EP400: variants seen among roughly 807,000 people sequenced by gnomAD.
EP400 encodes E1A binding protein p400.
A neutral mutation model predicts 354.1 loss-of-function variants in EP400; 105 were observed. The observed-to-expected ratio is 0.30, with a 90% CI of 0.25 to 0.35. The LOEUF (loss-of-function observed/expected upper bound fraction) is 0.35, where lower values mean the gene tolerates loss of function less well. Among genes scored for constraint, EP400 ranks in the 10% least tolerant of loss-of-function variants. The pLI, the probability that EP400 is intolerant of heterozygous loss-of-function variation, is 1.00. For synonymous variants in EP400, 1,646 were observed against 1,716.9 expected, an observed-to-expected ratio of 0.96 and a Z score of 1.02; for missense variants, 3,280 against 4,121.0, an observed-to-expected ratio of 0.80 and a Z score of 5.59.
chr12:131,975,536 A>G (rs1381958056), intron 2 of EP400, among the ~76,000 whole-genome samples: 2 of 151,700 alleles, frequency 1.3e-5, no homozygotes, highest in Non-Finnish European at 2.9e-5. Context: ...ATCTTTTTTC[A>G]GGCTCACTGA....
At chr12:131,959,873 C>T (rs1891818258) in intron 1 of EP400, among the ~76,000 whole-genome samples, 1 of 152,262 alleles carries the variant, frequency 6.6e-6, no homozygotes. Context: ...TGTCTCTACT[C>T]TCCTGCAGTA....
At position 132,053,188 on chromosome 12, in the gene EP400, A is replaced by G. The variant is rs1181949510; in HGVS notation, c.7437A>G (p.Ala2479=). The part of the protein sequence containing the change: ...YDKPLPPIQV[A]SLRAERIAKE... ...AGCCGCTGCCTCCCATCCAGGTGGC[A>G]TCTCTCCGTGCAGAGCGAATCGCAA... Residue 2479 remains alanine, a synonymous_variant, in exon 42 of 53, where the codon GCA becomes GCG. Transcript: ENST00000389561. 1.2e-6 allele frequency: 2 copies of G among 1,614,036 alleles called. No individual in the cohort carries two copies. The highest frequency in any genetic ancestry group is 1.7e-6 in the Non-Finnish European group (2 of 1,180,012).
chr12:131,957,525 C>CTTTT (rs35977358), intron 1 of EP400, among the ~76,000 whole-genome samples: 178 of 118,518 alleles, frequency 1.5e-3, no homozygotes, highest in Non-Finnish European at 2.6e-3. Context: ...TTCTTTCTTT[C>CTTTT]TTTTTTTTTT....
At chr12:131,995,023 GAAT>G in intron 12 of EP400, 67 bp downstream of exon 12, 2 of 1,433,310 alleles carry the variant, frequency 1.4e-6, no homozygotes, top group Non-Finnish European at 2.0e-6. Context: ...TGTGAGATGT[GAAT>G]AATAATATAT....
Position 132,030,195 on chromosome 12 carries a change from C to T in EP400, c.5754+37C>T, listed in dbSNP as rs1565921932. On this transcript the variant is annotated intron_variant, in intron 29 of 52. Coordinates refer to ENST00000389561, the MANE Select transcript of EP400 (RefSeq NM_015409.5). ...ATTGTTTACATTGTCTCTGATGGGT[C>T]AGTCACTGGTGTTGAATGCCTAAGT... 6 of 1,609,384 alleles carry T rather than the reference C, an allele frequency of 3.7e-6. No individual in the cohort carries two copies. In the African/African-American group the frequency reaches 6.7e-5, roughly 18 times the overall value.
rs1377526700 is a variant in EP400 at position 131,989,832 on chromosome 12, G to C, written c.2410-132G>C. The C allele has an allele frequency of 5.1e-6, 5 of 985,402 alleles. No homozygotes were observed. In the African/African-American group the frequency reaches 8.3e-5, roughly 16 times the overall value. The allele number at this position is 985,402 out of a possible 1,614,324, so 61.0% of individuals were successfully genotyped here. ...ATGTTTCTCCTAATCCACCCTAAGA[G>C]CATACGAGGATGTATATGACAGTGA... On this transcript the variant is annotated intron_variant, in intron 7 of 52. Transcript: ENST00000389561.
In EP400 at chr12:132,067,251, A is replaced by G. The variant is rs1593387707; in HGVS notation, c.8750-111A>G. ...AGGGATGGCTTACTTGTCTCCATAG[A>G]GTTTCATAGTTTGTTATTTTCTGTA... On this transcript the variant is annotated intron_variant, in intron 49 of 52. Transcript: ENST00000389561. The surrounding 1 kb of genome is among the most constrained non-coding windows in gnomAD (Gnocchi z 5.3). 3.4e-6 allele frequency: 5 copies of G among 1,461,928 alleles called. No individual in the cohort carries two copies. The East Asian group carries it at 1.2e-4, about 34-fold the overall frequency. The allele number at this position is 1,461,928 out of a possible 1,614,324, so 90.6% of individuals were successfully genotyped here. A position where few individuals can be genotyped will look rare whatever the true frequency, so the allele number is the denominator to read the frequency against.
At position 132,012,010 on chromosome 12, in the gene EP400, C is replaced by A. The variant is rs534973954; in HGVS notation, c.3441+376C>A. Reference sequence around the variant, plus strand: ...GGTGCTCCCAGCTCTGAATTTAAAACCCATAGAACCATTTCCACAACATGC... The same window carrying A: ...GGTGCTCCCAGCTCTGAATTTAAAAACCATAGAACCATTTCCACAACATGC... On this transcript the variant is annotated intron_variant, in intron 16 of 52. Transcript: ENST00000389561. 3.3e-5 allele frequency among the ~76,000 whole-genome samples: 5 copies of A among 152,330 alleles called. No homozygotes were observed. The South Asian group carries it at 8.3e-4, about 25-fold the overall frequency.
At chr12:131,969,124 A>C (rs978890308) in intron 2 of EP400, among the ~76,000 whole-genome samples, 14 of 151,662 alleles carry the variant, frequency 9.2e-5, no homozygotes, top group African/African-American at 2.9e-4. Flanking sequence ...TTAGTCTTCC[A>C]CCTTTAAGTA....
Position 131,987,860 on chromosome 12 carries a change from G to A in EP400, c.2379G>A (p.Glu793=). 1 of 1,612,202 alleles carries A rather than the reference G, an allele frequency of 6.2e-7. No homozygotes were observed. The highest frequency in any genetic ancestry group is 8.5e-7 in the Non-Finnish European group (1 of 1,179,054). The change falls in exon 7 of 53, where the codon GAG becomes GAA. Residue 793 remains glutamate (E), a synonymous_variant. Coordinates refer to ENST00000389561, the MANE Select transcript of EP400 (RefSeq NM_015409.5). ...MQWMATDFAQ[E]RRWKVAAAKK... ...GGATGGCCACAGACTTTGCCCAGGA[G>A]AGGAGGTGGAAGGTGGCTGCTGCGA...
Position 132,050,673 on chromosome 12 carries a change from A to G in EP400, c.7394+18A>G. On this transcript the variant is annotated intron_variant, in intron 41 of 52. Coordinates refer to ENST00000389561, the MANE Select transcript of EP400 (RefSeq NM_015409.5). The surrounding 1 kb of genome is among the most constrained non-coding windows in gnomAD (Gnocchi z 4.8). ...GCAGAAAGGTATTTCTCTATTCGTG[A>G]CACATTTGTTACTGTTTGGAAGGAT... The G allele has an allele frequency of 6.2e-7, 1 of 1,614,152 alleles. No individual in the cohort carries two copies. The highest frequency in any genetic ancestry group is 1.1e-5 in the South Asian group (1 of 91,088).
chr12:131,999,331 C>T (rs985346097), intron 12 of EP400, among the ~76,000 whole-genome samples: 1 of 152,082 alleles, frequency 6.6e-6, no homozygotes, highest in South Asian at 2.1e-4. Flanking sequence ...ATGATGATAC[C>T]TTTAATGTTT....
Position 132,013,807 on chromosome 12 carries a change from A to G in EP400, c.3817A>G (p.Lys1273Glu), listed in dbSNP as rs1307282169. Reference protein sequence around the residue: ...VTQPFILRRTKRDVEKQLTKK... With the variant: ...VTQPFILRRTERDVEKQLTKK... ...ACAGCCATTTATTTTGAGGAGAACTAAGAGAGATGTGGAAAAGCAACTAAC... is the reference window on the plus strand; with the variant it reads ...ACAGCCATTTATTTTGAGGAGAACTGAGAGAGATGTGGAAAAGCAACTAAC... Residue 1273 changes from lysine to glutamate, a missense_variant, in exon 19 of 53, where the codon AAG becomes GAG. Transcript: ENST00000389561. The surrounding 1 kb of genome is among the most constrained non-coding windows in gnomAD (Gnocchi z 4.5). 6.2e-7 allele frequency: 1 copy of G among 1,614,126 alleles called. No individual in the cohort carries two copies. The highest frequency in any genetic ancestry group is 8.5e-7 in the Non-Finnish European group (1 of 1,180,042).
intron 45 of EP400, among the ~76,000 whole-genome samples, chr12:132,056,569 TCA>T (rs1895523816): frequency 6.6e-6 from 1 of 152,170 alleles, no homozygotes. Context: ...GGCCCGTAAC[TCA>T]CACGGAGTAT....
At position 132,050,739 on chromosome 12, in the gene EP400, C is replaced by T. The variant is rs1273461735; in HGVS notation, c.7394+84C>T. The stretch of plus-strand genomic sequence containing the variant: ...TCTAAGTTCAGTGAGTTCAGCAAAT[C>T]GTTGTGCACTTAGCGTGTTCAGGCA... On this transcript the variant is annotated intron_variant, in intron 41 of 52. Coordinates refer to ENST00000389561, the MANE Select transcript of EP400 (RefSeq NM_015409.5). The surrounding 1 kb of genome is among the most constrained non-coding windows in gnomAD (Gnocchi z 4.8). 1.4e-5 allele frequency: 22 copies of T among 1,543,338 alleles called. No individual in the cohort carries two copies. In the South Asian group the frequency reaches 2.1e-4, roughly 15 times the overall value.
In EP400 at chr12:131,982,497, GA is replaced by G. The variant is rs1566171773; in HGVS notation, c.1929+26del. On this transcript the variant is annotated intron_variant, in intron 5 of 52. Transcript: ENST00000389561. ...GCCACAGGTATGAGAAAAGATAGAG[GA>G]AAAAAAGAAAATGGTTTGCAGGATT... The G allele has an allele frequency of 1.9e-6, 3 of 1,568,680 alleles. No individual in the cohort carries two copies. The highest frequency in any genetic ancestry group is 2.6e-6 in the Non-Finnish European group (3 of 1,155,342).
At chr12:132,023,707 C>T (rs2136546125) in intron 23 of EP400, 70 bp from the exon 24 acceptor site, 1 of 1,511,978 alleles carries the variant, frequency 6.6e-7, no homozygotes, top group African/African-American at 1.4e-5. Flanking sequence ...CAAGAAACGA[C>T]TGTCAATATG....
Position 132,044,945 on chromosome 12 carries a change from A to G in EP400, c.6776A>G (p.Asp2259Gly). Residue 2259 changes from aspartate (D) to glycine (G), a missense_variant, in exon 37 of 53, where the codon GAC becomes GGC. By Grantham distance (94) the Asp-to-Gly change is moderately conservative. This residue lies in a region of EP400 where 231 missense variants were observed against 257.9 expected (regional missense o/e 0.90). Transcript: ENST00000389561. ...AAGGAGCGGAAGCGACACAAAACAG[A>G]CCCCTCAGGTGCGCATCCCGAGGGC... ...VRKERKRHKT[D>G]PSAAGRKKKQ... 1 of 1,613,674 alleles carries G rather than the reference A, an allele frequency of 6.2e-7. No homozygotes were observed. Among genetic ancestry groups the G allele is most frequent in the Non-Finnish European group, 8.5e-7 (1 of 1,179,956 alleles).
intron 1 of EP400, among the ~76,000 whole-genome samples, chr12:131,955,253 A>C (rs908971075): frequency 9.2e-5 from 14 of 152,154 alleles, no homozygotes; most frequent in Admixed American, 6.5e-4. Flanking sequence ...CCATTTAATA[A>C]AATTGAAGTA....
Sources: allele counts gnomAD v4.1 joint callset (sites outside exome capture counted in the v4.1 genomes callset), GRCh38; gene constraint gnomAD v4.1.1; regional missense constraint gnomAD v4.1.1; non-coding constraint Gnocchi (gnomAD v3.1); transcripts MANE v1.5; gene names NCBI Gene and HGNC (gene_info 2026-07-23, HGNC 2026-07-21).